The following DACH1 variants were observed in gnomAD, a reference collection of about 807,000 sequenced individuals.
The protein encoded by DACH1 is dachshund homolog 1.
Under a neutral mutation model 54.2 loss-of-function variants are expected in DACH1, and 12 were observed. That is an observed-to-expected ratio of 0.22 (90% CI 0.14 to 0.36). The LOEUF is 0.36. Ranked by LOEUF, DACH1 falls within the 10% of genes least tolerant of loss-of-function variation. DACH1 has a pLI of 1.00. For synonymous variants in DACH1, 386 were observed against 366.2 expected (o/e 1.05, Z -0.62); for missense variants, 805 against 929.8 (o/e 0.87, Z 1.75).
intron 4 of DACH1, among the ~76,000 whole-genome samples, chr13:71,571,243 C>T (rs1207944315): frequency 1.3e-5 from 2 of 152,018 alleles, no homozygotes; most frequent in African/African-American, 2.4e-5. Context: ...ACATCGTATA[C>T]ATTAATACTT....
intron 1 of DACH1, among the ~76,000 whole-genome samples, chr13:71,685,984 G>A (rs1376000351): frequency 6.6e-6 from 1 of 152,054 alleles, no homozygotes; most frequent in Non-Finnish European, 1.5e-5. Flanking sequence ...GCGAAACAAT[G>A]AAAAAAGCAT....
intron 6 of DACH1, among the ~76,000 whole-genome samples, chr13:71,535,191 T>C (rs1200608422): frequency 1.3e-5 from 2 of 151,848 alleles, no homozygotes; most frequent in Non-Finnish European, 2.9e-5. Context: ...TATTATACAA[T>C]TTATAATGTA....
At chr13:71,566,179 A>G (rs1458828885) in intron 4 of DACH1, among the ~76,000 whole-genome samples, 1 of 152,138 alleles carries the variant, frequency 6.6e-6, no homozygotes, top group Non-Finnish European at 1.5e-5. Context: ...CACCACCACC[A>G]CTATGAGCCT....
intron 3 of DACH1, among the ~76,000 whole-genome samples, chr13:71,575,881 A>T (rs1885496458): frequency 6.6e-6 from 1 of 152,142 alleles, no homozygotes; most frequent in Admixed American, 6.6e-5. Flanking sequence ...TACAATATGT[A>T]ACCAAGTCAG....
At chr13:71,486,666 G>C (rs1878529575) in intron 7 of DACH1, among the ~76,000 whole-genome samples, 1 of 151,922 alleles carries the variant, frequency 6.6e-6, no homozygotes, top group African/African-American at 2.4e-5. Context: ...ATTTCACCTT[G>C]TGGGCACATA....
intron 6 of DACH1, among the ~76,000 whole-genome samples, chr13:71,537,887 T>C (rs1201665182): frequency 2.0e-5 from 3 of 152,164 alleles, no homozygotes; most frequent in African/African-American, 7.2e-5. Flanking sequence ...ACTATATTTG[T>C]TGTATTTTTT....
intron 1 of DACH1, among the ~76,000 whole-genome samples, chr13:71,828,670 A>T (rs1162781743): frequency 6.6e-6 from 1 of 151,958 alleles, no homozygotes; most frequent in Non-Finnish European, 1.5e-5. Flanking sequence ...GGGTAGGCTC[A>T]AGGCAAAGTT....
intron 6 of DACH1, among the ~76,000 whole-genome samples, chr13:71,549,562 C>CA (rs1883674380): frequency 6.6e-6 from 1 of 151,874 alleles, no homozygotes; most frequent in Non-Finnish European, 1.5e-5. Flanking sequence ...TCCAAATATA[C>CA]AAAAAAGTTG....
intron 1 of DACH1, among the ~76,000 whole-genome samples, chr13:71,833,138 A>G (rs1038793218): frequency 6.6e-6 from 1 of 151,902 alleles, no homozygotes; most frequent in African/African-American, 2.4e-5. Flanking sequence ...CATTGATGTA[A>G]AAGAATCCTA....
intron 6 of DACH1, among the ~76,000 whole-genome samples, chr13:71,529,874 G>A (rs889927243): frequency 5.9e-5 from 9 of 152,100 alleles, no homozygotes; most frequent in African/African-American, 2.2e-4. Flanking sequence ...GTATTTTTAG[G>A]AAAATGGCCA....
chr13:71,862,151 A>G (rs1231812039), intron 1 of DACH1, among the ~76,000 whole-genome samples: 1 of 151,984 alleles, frequency 6.6e-6, no homozygotes, highest in East Asian at 1.9e-4. Context: ...TAGAACCTAC[A>G]TCACAATCTT....
intron 2 of DACH1, among the ~76,000 whole-genome samples, chr13:71,654,923 C>T (rs1478964494): frequency 6.6e-6 from 1 of 152,158 alleles, no homozygotes; most frequent in East Asian, 1.9e-4. Context: ...GTTTATCTTT[C>T]ATTAAAGAAC....
At chr13:71,522,742 C>T (rs1368734388) in intron 6 of DACH1, among the ~76,000 whole-genome samples, 1 of 152,050 alleles carries the variant, frequency 6.6e-6, no homozygotes, top group Non-Finnish European at 1.5e-5. Flanking sequence ...TAACCCATTT[C>T]GACATCCATA....
At chr13:71,808,740 C>CA (rs887319030) in intron 1 of DACH1, among the ~76,000 whole-genome samples, 2 of 152,044 alleles carry the variant, frequency 1.3e-5, no homozygotes, top group Non-Finnish European at 2.9e-5. Context: ...GTAAAACTTT[C>CA]AAAAAATGCA....
chr13:71,762,533 A>G (rs1885443494), intron 1 of DACH1, among the ~76,000 whole-genome samples: 1 of 151,978 alleles, frequency 6.6e-6, no homozygotes, highest in Non-Finnish European at 1.5e-5. Context: ...TTGGGAGGCC[A>G]AGGCGAGCAG....
chr13:71,682,047 C>T (rs1275371185), intron 1 of DACH1, 137 bp from the exon 2 acceptor site: 4 of 553,388 alleles, frequency 7.2e-6, no homozygotes, highest in Non-Finnish European at 9.6e-6. Context: ...ATGTAATAGA[C>T]TTCCATCACT....
intron 1 of DACH1, among the ~76,000 whole-genome samples, chr13:71,755,627 T>C (rs1211081000): frequency 6.6e-6 from 1 of 152,198 alleles, no homozygotes; most frequent in Non-Finnish European, 1.5e-5. Context: ...ATCCTAACTT[T>C]TAATTCAGTA....
chr13:71,459,498 A>G (rs1202250815), intron 10 of DACH1, among the ~76,000 whole-genome samples: 1 of 151,970 alleles, frequency 6.6e-6, no homozygotes, highest in African/African-American at 2.4e-5. Flanking sequence ...ATTTTGAAAC[A>G]TCCAGAACTT....
At chr13:71,480,070 T>C (rs926899998) in intron 7 of DACH1, among the ~76,000 whole-genome samples, 68 of 152,336 alleles carry the variant, frequency 4.5e-4, no homozygotes, top group African/African-American at 1.3e-3. Context: ...TCTTCTTTAT[T>C]AAAATGTAAG....
Sources: gnomAD v4.1 joint callset for allele counts (sites outside exome capture counted in the v4.1 genomes callset) on GRCh38, gnomAD v4.1.1 for gene constraint, MANE v1.5 for transcripts, NCBI Gene and HGNC (gene_info 2026-07-23, HGNC 2026-07-21) for gene names.